ADIPOR2: variants seen among roughly 807,000 people sequenced by gnomAD.
ADIPOR2 encodes the protein adiponectin receptor protein 2.
In ADIPOR2, 18 loss-of-function variants were observed where a neutral mutation model predicts 40.9. That is an observed-to-expected ratio of 0.44 (90% CI 0.30 to 0.65). The LOEUF (loss-of-function observed/expected upper bound fraction) is 0.65, where lower values mean the gene tolerates loss of function less well. ADIPOR2 is among the 30% of genes least tolerant of loss of function. The probability of loss-of-function intolerance (pLI) is 0.09; values close to 1 mark genes in which losing one functional copy is unlikely to be tolerated. For synonymous variants in ADIPOR2, 165 were observed against 166.4 expected (o/e 0.99, Z 0.06); for missense variants, 283 against 479.2 (o/e 0.59, Z 3.82).
chr12:1,752,933 G>T (rs1862032775), intron 1 of ADIPOR2, among the ~76,000 whole-genome samples: 1 of 152,166 alleles, frequency 6.6e-6, no homozygotes, highest in African/African-American at 2.4e-5. Context: ...GCTTGGCCCA[G>T]GTACATGCCC....
At chr12:1,697,291 T>G (rs909102570) in intron 1 of ADIPOR2, 1 of 152,236 alleles carries the variant, frequency 6.6e-6, no homozygotes, top group African/African-American at 2.4e-5. Flanking sequence ...ACCTTTTCAG[T>G]GTTTTGTGTT....
At chr12:1,701,744 C>G (rs1004477780) in intron 1 of ADIPOR2, among the ~76,000 whole-genome samples, 1 of 152,058 alleles carries the variant, frequency 6.6e-6, no homozygotes, top group African/African-American at 2.4e-5. Context: ...TCCAGGTTTT[C>G]ATGTATTAAA....
intron 1 of ADIPOR2, among the ~76,000 whole-genome samples, chr12:1,723,592 A>T (rs2094702088): frequency 6.6e-6 from 1 of 152,054 alleles, no homozygotes; most frequent in Admixed American, 6.6e-5. Context: ...GTGAGCCAAG[A>T]TCGTGTCACT....
At chr12:1,719,778 A>G (rs1455835582) in intron 1 of ADIPOR2, among the ~76,000 whole-genome samples, 1 of 151,632 alleles carries the variant, frequency 6.6e-6, no homozygotes, top group Non-Finnish European at 1.5e-5. Flanking sequence ...GGGTTCAAGC[A>G]GTTCTCCTGC....
At chr12:1,730,571 A>G (rs1173882362) in intron 1 of ADIPOR2, among the ~76,000 whole-genome samples, 1 of 146,730 alleles carries the variant, frequency 6.8e-6, no homozygotes, top group Non-Finnish European at 1.5e-5. Flanking sequence ...GAGCCGAGAT[A>G]GTGCTACTGC....
chr12:1,780,684 T>G (rs749997156), intron 5 of ADIPOR2, 47 bp downstream of exon 5: 1 of 1,474,638 alleles, frequency 6.8e-7, no homozygotes, highest in South Asian at 1.4e-5. Context: ...TTAGAGGTAG[T>G]GCGTTAGGGA....
chr12:1,695,788 T>C (rs995612865), intron 1 of ADIPOR2: 1 of 152,148 alleles, frequency 6.6e-6, no homozygotes, highest in Non-Finnish European at 1.5e-5. Flanking sequence ...AATTTTCAGA[T>C]TAATGACAAT....
rs1256969541 is a variant in ADIPOR2 at position 1,780,900 on chromosome 12, CTG to C, written c.663_664del (p.Gly222TyrfsTer20). The C allele has an allele frequency of 6.2e-7, 1 of 1,606,804 alleles. No homozygotes were observed. The highest frequency in any genetic ancestry group is 2.2e-5 in the East Asian group (1 of 44,664). On this transcript the variant is annotated frameshift_variant, in exon 6 of 8. Transcript: ENST00000357103. LOFTEE classifies it high-confidence loss of function. ...TTTTTCTGTCATAGACTGGATTACTCTGGTATTGCTCTTCTGATTATGGGAAG... is the reference window on the plus strand; with the variant it reads ...TTTTTCTGTCATAGACTGGATTACTCGTATTGCTCTTCTGATTATGGGAAG...
chr12:1,700,027 A>C (rs2094647092), intron 1 of ADIPOR2, among the ~76,000 whole-genome samples: 1 of 152,244 alleles, frequency 6.6e-6, no homozygotes, highest in Non-Finnish European at 1.5e-5. Flanking sequence ...TAACTGGAAA[A>C]GGACACTTAA....
chr12:1,765,417 C>G (rs1162790574), intron 2 of ADIPOR2, among the ~76,000 whole-genome samples: 1 of 152,118 alleles, frequency 6.6e-6, no homozygotes, highest in Non-Finnish European at 1.5e-5. Flanking sequence ...GCTTCTGTTT[C>G]TTCATTTACC....
At chr12:1,759,461 CG>C (rs1287963985) in intron 2 of ADIPOR2, among the ~76,000 whole-genome samples, 1 of 152,018 alleles carries the variant, frequency 6.6e-6, no homozygotes, top group Non-Finnish European at 1.5e-5. Flanking sequence ...AGGGGTGTCT[CG>C]TTTTTTATTA....
Position 1,695,011 on chromosome 12 carries a change from G to GTTT in ADIPOR2, c.-87+3834_-87+3836dup, listed in dbSNP as rs199627849. On this transcript the variant is annotated intron_variant, in intron 1 of 7. Transcript: ENST00000357103. ...CATAGGGCTTATTCTTTGTGTTGCA[G>GTTT]TTTTTTTTTTTTTTTTGTTTTGTTT... Among the ~76,000 whole-genome samples the GTTT allele has an allele frequency of 2.0e-4, 26 of 128,318 alleles. 1 individual carries two copies. The highest frequency in any genetic ancestry group is 2.6e-4 in the Non-Finnish European group (16 of 61,316). 84.2% of individuals were successfully genotyped at this position (128,318 alleles called of 152,430 possible).
intron 1 of ADIPOR2, among the ~76,000 whole-genome samples, chr12:1,710,679 G>GC (rs1165505106): frequency 6.6e-6 from 1 of 152,008 alleles, no homozygotes; most frequent in African/African-American, 2.4e-5. Context: ...TCTGGGCTGA[G>GC]CCAAGGGTTG....
intron 1 of ADIPOR2, among the ~76,000 whole-genome samples, chr12:1,700,553 G>C (rs1448838098): frequency 2.0e-5 from 3 of 152,112 alleles, no homozygotes; most frequent in African/African-American, 7.2e-5. Flanking sequence ...TCAGGGAAAG[G>C]ACAAAGCATA....
chr12:1,716,089 C>A (rs556133664), intron 1 of ADIPOR2, among the ~76,000 whole-genome samples: 3 of 152,206 alleles, frequency 2.0e-5, no homozygotes, highest in African/African-American at 7.2e-5. Flanking sequence ...CGAAGTTCTG[C>A]GGCTTCATTC....
intron 2 of ADIPOR2, chr12:1,757,410 A>G (rs1170368923): frequency 4.1e-6 from 3 of 726,322 alleles, no homozygotes; most frequent in Admixed American, 1.9e-5. Context: ...AACCACATCA[A>G]AAGATCCAGA....
At chr12:1,728,232 C>T (rs937581756) in intron 1 of ADIPOR2, among the ~76,000 whole-genome samples, 3 of 151,954 alleles carry the variant, frequency 2.0e-5, no homozygotes, top group Non-Finnish European at 4.4e-5. Context: ...CCTGCCTCAG[C>T]CTCCCAAGCA....
At position 1,783,993 on chromosome 12, in the gene ADIPOR2, G is replaced by A; in HGVS notation, c.952G>A (p.Ala318Thr). Residue 318 changes from alanine (A) to threonine (T), a missense_variant, in exon 7 of 8, where the codon GCC (alanine) becomes ACC (threonine). This residue lies in a region of ADIPOR2 where 106 missense variants were observed against 149.7 expected (regional missense o/e 0.71). Coordinates refer to ENST00000357103, the MANE Select transcript of ADIPOR2 (RefSeq NM_024551.3). ...GCAGATAGGCTGGTTGATGCTGATG[G>A]CCAGCCTCTACATCACAGGAGCTGC... ...IGQIGWLMLMASLYITGAALY... is the reference protein window; with the variant it reads ...IGQIGWLMLMTSLYITGAALY... 1.9e-6 allele frequency: 3 copies of A among 1,613,794 alleles called. No individual in the cohort carries two copies. Among genetic ancestry groups the A allele is most frequent in the Non-Finnish European group, 2.5e-6 (3 of 1,179,844 alleles).
intron 1 of ADIPOR2, among the ~76,000 whole-genome samples, chr12:1,728,206 G>T (rs1393659463): frequency 6.6e-6 from 1 of 151,490 alleles, no homozygotes; most frequent in African/African-American, 2.4e-5. Context: ...TCCGCCTCCC[G>T]GTTTCAAGTG....
Sources: allele counts gnomAD v4.1 joint callset (sites outside exome capture counted in the v4.1 genomes callset), GRCh38; gene constraint gnomAD v4.1.1; regional missense constraint gnomAD v4.1.1; transcripts MANE v1.5; gene names NCBI Gene and HGNC (gene_info 2026-07-23, HGNC 2026-07-21).